Variants in MINK1 observed in about 807,000 individuals in gnomAD.
MINK1 encodes the protein misshapen like kinase 1, also known as misshapen-like kinase 1.
A neutral mutation model predicts 178.4 loss-of-function variants in MINK1; 46 were observed. The observed-to-expected ratio is 0.26, with a 90% CI of 0.20 to 0.33. The LOEUF is 0.33. Among genes scored for constraint, MINK1 ranks in the 10% least tolerant of loss-of-function variants. MINK1 has a pLI of 1.00. For missense variants in MINK1, 1,366 were observed against 1,814.9 expected, an observed-to-expected ratio of 0.75 and a Z score of 4.49; for synonymous variants, 797 against 709.7, an observed-to-expected ratio of 1.12 and a Z score of -1.96.
intron 1 of MINK1, among the ~76,000 whole-genome samples, chr17:4,849,811 G>A (rs1911646874): frequency 6.6e-6 from 1 of 152,130 alleles, no homozygotes; most frequent in South Asian, 2.1e-4. Context: ...GGCCTCAGGT[G>A]GTCCGCCCGC....
chr17:4,893,947 A>G, intron 21 of MINK1, 41 bp from the exon 22 acceptor site: 1 of 1,485,306 alleles, frequency 6.7e-7, no homozygotes, highest in Non-Finnish European at 9.0e-7. Flanking sequence ...TTCTGTGGCC[A>G]CGGGCAGGAC....
Position 4,886,872 on chromosome 17 carries a change from CAT to C in MINK1, c.950-237_950-236del, listed in dbSNP as rs1320371068. On this transcript the variant is annotated intron_variant, in intron 10 of 31. Coordinates refer to ENST00000355280, the MANE Select transcript of MINK1 (RefSeq NM_153827.5). The surrounding 1 kb of genome is among the most constrained non-coding windows in gnomAD (Gnocchi z 6.1). ...CCTTACAAAAACTCCATGCTAAGCACATGTGTGTGCGAGCACAAGCACAGGCT... is the reference window on the plus strand; with the variant it reads ...CCTTACAAAAACTCCATGCTAAGCACGTGTGTGCGAGCACAAGCACAGGCT... Among the ~76,000 whole-genome samples the C allele has an allele frequency of 2.6e-5, 4 of 152,252 alleles. No homozygotes were observed. Among genetic ancestry groups the C allele is most frequent in the South Asian group, 2.1e-4 (1 of 4,836 alleles).
chr17:4,893,214 T>C (rs1969048357), intron 20 of MINK1, 147 bp downstream of exon 20: 12 of 1,592,942 alleles, frequency 7.5e-6, no homozygotes, highest in Non-Finnish European at 1.0e-5. Context: ...GGTGCTAACC[T>C]TTCCTAACCT....
intron 1 of MINK1, among the ~76,000 whole-genome samples, chr17:4,853,479 T>C (rs77809640): frequency 7.7e-6 from 1 of 130,132 alleles, no homozygotes; most frequent in Admixed American, 7.6e-5. Context: ...GTGTGGTTGG[T>C]GGGGGAGTGT....
At chr17:4,876,315 C>G (rs2150970513) in intron 1 of MINK1, among the ~76,000 whole-genome samples, 1 of 152,160 alleles carries the variant, frequency 6.6e-6, no homozygotes, top group Middle Eastern at 3.4e-3. Flanking sequence ...AGGGCTCAGT[C>G]CCTTTCTCCA....
chr17:4,836,553 C>T lies in MINK1; in HGVS notation c.57+2913C>T, dbSNP rs1321689967. ...CTGCTCCCCTTACTGCAGATTCTGC[C>T]AAGAGCCTTACCCTCTCTAAGCTTC... On this transcript the variant is annotated intron_variant, in intron 1 of 31. Transcript: ENST00000355280. The surrounding 1 kb of genome is among the most constrained non-coding windows in gnomAD (Gnocchi z 4.3). Among the ~76,000 whole-genome samples, 1 of 152,136 alleles carries T rather than the reference C, an allele frequency of 6.6e-6. No individual in the cohort carries two copies. Among genetic ancestry groups the T allele is most frequent in the Non-Finnish European group, 1.5e-5 (1 of 68,032 alleles).
intron 1 of MINK1, among the ~76,000 whole-genome samples, chr17:4,855,622 T>C (rs954885537): frequency 4.0e-5 from 6 of 149,684 alleles, no homozygotes; most frequent in East Asian, 2.0e-4. Flanking sequence ...TACAAAAAAT[T>C]AGCCGAGTGT....
Position 4,896,989 on chromosome 17 carries a change from A to G in MINK1, c.3915+176A>G. 2 of 1,030,674 alleles carry G rather than the reference A, an allele frequency of 1.9e-6. No individual in the cohort carries two copies. The highest frequency in any genetic ancestry group is 2.8e-6 in the Non-Finnish European group (2 of 719,946). The allele number at this position is 1,030,674 out of a possible 1,614,324, so 63.8% of individuals were successfully genotyped here. On this transcript the variant is annotated intron_variant, in intron 31 of 31. Transcript: ENST00000355280. The surrounding 1 kb of genome is among the most constrained non-coding windows in gnomAD (Gnocchi z 4.6). ...CCTGCGCTCCCTTCAGATTCCGAGG[A>G]CTTCCCAGCTGGCCCCCAGGGGGCG...
chr17:4,842,687 G>A (rs1177630319), intron 1 of MINK1, among the ~76,000 whole-genome samples: 3 of 152,228 alleles, frequency 2.0e-5, no homozygotes, highest in Admixed American at 6.5e-5. Context: ...AAGTGACTCA[G>A]GAAAGAGTCT....
chr17:4,847,224 G>C (rs1311233943), intron 1 of MINK1: 1 of 466,418 alleles, frequency 2.1e-6, no homozygotes, highest in South Asian at 1.5e-5. Context: ...TCTAGTTTTG[G>C]TTCCAGTTCA....
intron 1 of MINK1, among the ~76,000 whole-genome samples, chr17:4,837,557 C>T (rs767298426): frequency 2.0e-5 from 3 of 152,186 alleles, no homozygotes; most frequent in Non-Finnish European, 4.4e-5. Context: ...AAAATGTGGG[C>T]CTCTGTGTCT....
rs751232934 is a variant in MINK1 at position 4,897,537 on chromosome 17, C to T, written c.*250C>T. 2.0e-6 allele frequency: 1 copy of T among 494,384 alleles called. No homozygotes were observed. The highest frequency in any genetic ancestry group is 3.7e-5 in the Admixed American group (1 of 27,138). 30.6% of individuals were successfully genotyped at this position (494,384 alleles called of 1,614,324 possible). A position where few individuals can be genotyped will look rare whatever the true frequency, so the allele number is the denominator to read the frequency against. On this transcript the variant is annotated 3_prime_UTR_variant, in exon 32 of 32. Transcript: ENST00000355280. ...CTGGGGAGGGACACAGCTTCCCCTT[C>T]CCAGGAATTGAGTGGGCCTAGCCCC...
At chr17:4,839,012 T>C (rs9897835) in intron 1 of MINK1, among the ~76,000 whole-genome samples, 29,293 of 151,808 alleles carry the variant, frequency 0.19, 2,924 homozygotes, top group Non-Finnish European at 0.2. Context: ...GGCGCGATCT[T>C]GGCTCACTGC....
chr17:4,864,041 G>A (rs1194789364), intron 1 of MINK1, among the ~76,000 whole-genome samples: 4 of 151,900 alleles, frequency 2.6e-5, no homozygotes, highest in Non-Finnish European at 4.4e-5. Context: ...CGCCTGCCTC[G>A]GCCTCCCAAA....
At position 4,896,940 on chromosome 17, in the gene MINK1, A is replaced by T. The variant is rs904240376; in HGVS notation, c.3915+127A>T. The stretch of plus-strand genomic sequence containing the variant: ...AAAGCGGGCCCCTCTGGGAGCTCAG[A>T]GGGCAGTCAGCCACTACCACTGCCC... On this transcript the variant is annotated intron_variant, in intron 31 of 31. Transcript: ENST00000355280. The surrounding 1 kb of genome is among the most constrained non-coding windows in gnomAD (Gnocchi z 4.6). 1.2e-5 allele frequency: 15 copies of T among 1,270,450 alleles called. No homozygotes were observed. Among genetic ancestry groups the T allele is most frequent in the Non-Finnish European group, 1.6e-5 (15 of 940,768 alleles). The allele number at this position is 1,270,450 out of a possible 1,614,324, so 78.7% of individuals were successfully genotyped here.
intron 1 of MINK1, among the ~76,000 whole-genome samples, chr17:4,877,809 CTTTT>C (rs1198512639): frequency 8.2e-6 from 1 of 122,402 alleles, no homozygotes; most frequent in Non-Finnish European, 1.7e-5. Context: ...TCTCTCACTT[CTTTT>C]TTTTTTTTTT....
chr17:4,893,226 TC>T (rs1555542924), intron 20 of MINK1, 159 bp downstream of exon 20: 12 of 1,531,658 alleles, frequency 7.8e-6, no homozygotes, highest in Non-Finnish European at 9.7e-6. Flanking sequence ...TCCTAACCTC[TC>T]TCCTAACCTC....
At chr17:4,848,735 G>C (rs1378645435) in intron 1 of MINK1, among the ~76,000 whole-genome samples, 1 of 152,088 alleles carries the variant, frequency 6.6e-6, no homozygotes, top group African/African-American at 2.4e-5. Context: ...GACCTCAGGT[G>C]ATCCGTCTGC....
intron 1 of MINK1, among the ~76,000 whole-genome samples, chr17:4,863,047 C>A (rs375624825): frequency 4.0e-5 from 6 of 151,726 alleles, no homozygotes; most frequent in Admixed American, 2.6e-4. Flanking sequence ...AAAACAAAAA[C>A]CAAAAAAAAT....
Sources: gnomAD v4.1 joint callset for allele counts (sites outside exome capture counted in the v4.1 genomes callset) on GRCh38, gnomAD v4.1.1 for gene constraint, Gnocchi (gnomAD v3.1) non-coding constraint, MANE v1.5 for transcripts, NCBI Gene and HGNC (gene_info 2026-07-23, HGNC 2026-07-21) for gene names.